Variants in PPP4R2 observed in about 807,000 individuals in gnomAD.
PPP4R2 encodes protein phosphatase 4 regulatory subunit 2.
In PPP4R2, 13 loss-of-function variants were observed where a neutral mutation model predicts 47.2. The observed-to-expected ratio is 0.28, with a 90% CI of 0.18 to 0.44. PPP4R2 has a LOEUF of 0.44. Ranked by LOEUF, PPP4R2 falls within the 20% of genes least tolerant of loss-of-function variation. The pLI is 1.00. For missense variants in PPP4R2, 421 were observed against 491.2 expected (o/e 0.86, Z 1.35); for synonymous variants, 151 against 163.3 (o/e 0.92, Z 0.57).
rs1703022172 is a variant in PPP4R2 at position 73,067,447 on chromosome 3, G to C, written c.*1725G>C. 6.6e-6 allele frequency: 1 copy of C among 151,944 alleles called. No individual in the cohort carries two copies. The highest frequency in any genetic ancestry group is 2.4e-5 in the African/African-American group (1 of 41,372). 9.4% of individuals were successfully genotyped at this position (151,944 alleles called of 1,614,324 possible). ...ATACTACTGACTGACTTGACTGTCA[G>C]GTTCACAACAGCTAGATGATATATT... On this transcript the variant is annotated 3_prime_UTR_variant, in exon 9 of 9. Transcript: ENST00000356692.
chr3:73,033,449 A>C (rs771505023), intron 2 of PPP4R2, among the ~76,000 whole-genome samples: 1 of 151,686 alleles, frequency 6.6e-6, no homozygotes, highest in Non-Finnish European at 1.5e-5. Context: ...CTCTTCAGCA[A>C]CTCTTGTGAG....
At position 73,003,722 on chromosome 3, in the gene PPP4R2, A is replaced by G. The variant is rs184398768; in HGVS notation, c.116+5564A>G. ...TTTTTGTTTTGTTTTTTTTTGAGAC[A>G]GAGTCTTGCTCTGTTGCCCAGGCTG... On this transcript the variant is annotated intron_variant, in intron 2 of 8. Coordinates refer to ENST00000356692, the MANE Select transcript of PPP4R2 (RefSeq NM_174907.4). Among the ~76,000 whole-genome samples the G allele has an allele frequency of 6.9e-3, 1,048 of 151,692 alleles. 10 individuals carry two copies. Among genetic ancestry groups the G allele is most frequent in the African/African-American group, 0.024 (986 of 41,338 alleles).
intron 2 of PPP4R2, among the ~76,000 whole-genome samples, chr3:73,031,149 C>CT (rs1405414696): frequency 6.6e-6 from 1 of 152,172 alleles, no homozygotes; most frequent in African/African-American, 2.4e-5. Context: ...ATGTAAATGT[C>CT]TTTTAGCTCA....
chr3:73,025,533 T>C (rs572546184), intron 2 of PPP4R2, among the ~76,000 whole-genome samples: 1 of 152,302 alleles, frequency 6.6e-6, no homozygotes, highest in Non-Finnish European at 1.5e-5. Context: ...TAATAGTTGC[T>C]TTAAGGAAGT....
At chr3:73,004,110 A>C (rs2107205682) in intron 2 of PPP4R2, among the ~76,000 whole-genome samples, 1 of 151,860 alleles carries the variant, frequency 6.6e-6, no homozygotes, top group African/African-American at 2.4e-5. Context: ...TGTTGGGATT[A>C]CAGGCATGAG....
intron 2 of PPP4R2, among the ~76,000 whole-genome samples, chr3:73,005,506 A>G (rs1371737678): frequency 1.3e-5 from 2 of 151,938 alleles, no homozygotes; most frequent in Non-Finnish European, 2.9e-5. Flanking sequence ...GCATATCTTC[A>G]GTACTTATCA....
intron 2 of PPP4R2, among the ~76,000 whole-genome samples, chr3:72,998,482 C>T (rs1323389347): frequency 6.6e-6 from 1 of 151,982 alleles, no homozygotes; most frequent in African/African-American, 2.4e-5. Flanking sequence ...TTGGCCATAA[C>T]AAATAGGCTT....
intron 2 of PPP4R2, among the ~76,000 whole-genome samples, chr3:73,006,866 A>T (rs919977744): frequency 1.1e-4 from 16 of 152,172 alleles, no homozygotes; most frequent in African/African-American, 3.9e-4. Context: ...GGCCTTTGAA[A>T]TACACCTTGA....
intron 2 of PPP4R2, among the ~76,000 whole-genome samples, chr3:73,007,243 T>A (rs778310123): frequency 6.6e-6 from 1 of 152,242 alleles, no homozygotes; most frequent in African/African-American, 2.4e-5. Flanking sequence ...CTCGTTGTTA[T>A]GTTGTTGATA....
chr3:73,035,471 G>C (rs1395559675), intron 2 of PPP4R2, among the ~76,000 whole-genome samples: 1 of 152,182 alleles, frequency 6.6e-6, no homozygotes, highest in Non-Finnish European at 1.5e-5. Context: ...TACACTGCTA[G>C]TGGAAATGTA....
At chr3:73,047,850 A>G (rs568703368) in intron 3 of PPP4R2, among the ~76,000 whole-genome samples, 17 of 152,160 alleles carry the variant, frequency 1.1e-4, no homozygotes, top group Non-Finnish European at 2.5e-4. Flanking sequence ...TATTCTGTAC[A>G]AAAGTAAAAC....
chr3:73,034,117 T>G (rs953985824), intron 2 of PPP4R2, among the ~76,000 whole-genome samples: 2 of 150,778 alleles, frequency 1.3e-5, no homozygotes, highest in African/African-American at 4.9e-5. Context: ...TGGTTTCTTC[T>G]CCACTTTTCT....
At chr3:73,016,797 TACTGGTTCATTG>T (rs1559551234) in intron 2 of PPP4R2, among the ~76,000 whole-genome samples, 2 of 129,116 alleles carry the variant, frequency 1.5e-5, no homozygotes, top group Admixed American at 7.8e-5. Flanking sequence ...TAACTGGCTT[TACTGGTTCATTG>T]TTTCTTTTTT....
chr3:73,052,418 G>A (rs890844508), intron 3 of PPP4R2, among the ~76,000 whole-genome samples: 12 of 151,898 alleles, frequency 7.9e-5, no homozygotes, highest in African/African-American at 2.7e-4. Context: ...TCAATTAAAA[G>A]ACCATTTTAT....
In PPP4R2 at chr3:73,044,073, G is replaced by C. The variant is rs1047667829; in HGVS notation, c.117-3113G>C. On this transcript the variant is annotated intron_variant, in intron 2 of 8. Transcript: ENST00000356692. ...ATGTCAGAATTTCTTTCAGATTAAA[G>C]ACTGGATAATATTCGTGTGTGTGTG... 3.9e-5 allele frequency among the ~76,000 whole-genome samples: 6 copies of C among 152,126 alleles called. No homozygotes were observed. The South Asian group carries it at 1.2e-3, about 32-fold the overall frequency.
chr3:73,059,115 C>T lies in PPP4R2; in HGVS notation c.366C>T (p.Leu122=). The change falls in exon 4 of 9, where the codon CTC becomes CTT. Residue 122 remains leucine, a synonymous_variant. Transcript: ENST00000356692. ...RRNYTGTDKF[L]RGVEKNVMVV... ...ACTATACAGGAACAGACAAATTTCT[C>T]AGAGGAGTAGAAAAGGTATTTATTT... 6.5e-7 allele frequency: 1 copy of T among 1,536,228 alleles called. No homozygotes were observed. The highest frequency in any genetic ancestry group is 8.9e-7 in the Non-Finnish European group (1 of 1,120,748).
chr3:73,010,768 G>C (rs1372275057), intron 2 of PPP4R2, among the ~76,000 whole-genome samples: 1 of 152,118 alleles, frequency 6.6e-6, no homozygotes, highest in African/African-American at 2.4e-5. Flanking sequence ...TTCAACTCCT[G>C]ACCTCAGATG....
At chr3:73,041,710 G>A (rs902543130) in intron 2 of PPP4R2, among the ~76,000 whole-genome samples, 1 of 152,236 alleles carries the variant, frequency 6.6e-6, no homozygotes, top group Admixed American at 6.5e-5. Context: ...TGTGTGCAAT[G>A]CAGATAGGCT....
At chr3:73,005,945 AC>A (rs1701601440) in intron 2 of PPP4R2, among the ~76,000 whole-genome samples, 1 of 152,172 alleles carries the variant, frequency 6.6e-6, no homozygotes, top group Non-Finnish European at 1.5e-5. Flanking sequence ...AACCATCACA[AC>A]AATCAAGATT....
Sources: gnomAD v4.1 joint callset for allele counts (sites outside exome capture counted in the v4.1 genomes callset) on GRCh38, gnomAD v4.1.1 for gene constraint, MANE v1.5 for transcripts, NCBI Gene and HGNC (gene_info 2026-07-23, HGNC 2026-07-21) for gene names.